ZNF365: variants seen among roughly 807,000 people sequenced by gnomAD.
The protein encoded by ZNF365 is zinc finger protein 365.
In ZNF365, 22 loss-of-function variants were observed where a neutral mutation model predicts 35.0. The ratio of observed to expected loss-of-function variants is 0.63; its 90% CI spans 0.45 to 0.90. ZNF365 has a LOEUF of 0.90. Ranked by LOEUF, ZNF365 falls within the 40% of genes least tolerant of loss-of-function variation. ZNF365 has a pLI of 0.00. For synonymous variants in ZNF365, 188 were observed against 196.2 expected, an observed-to-expected ratio of 0.96 and a Z score of 0.35; for missense variants, 448 against 500.3, an observed-to-expected ratio of 0.90 and a Z score of 1.00.
chr10:62,466,169 G>A (rs903424102), intron 4 of ZNF365, among the ~76,000 whole-genome samples: 14 of 152,180 alleles, frequency 9.2e-5, no homozygotes, highest in Admixed American at 3.9e-4. Context: ...GGGGCTTCCC[G>A]AACCTGAGCT....
intron 4 of ZNF365, among the ~76,000 whole-genome samples, chr10:62,476,074 C>G (rs923286438): frequency 3.3e-5 from 5 of 149,806 alleles, no homozygotes; most frequent in African/African-American, 1.2e-4. Context: ...TTGGGTTTTC[C>G]TGTTCTATGT....
intron 4 of ZNF365, among the ~76,000 whole-genome samples, chr10:62,478,995 A>G (rs1841177990): frequency 6.6e-6 from 1 of 152,222 alleles, no homozygotes; most frequent in Non-Finnish European, 1.5e-5. Context: ...AAGAATTTCT[A>G]TTCTGTTTTG....
chr10:62,425,820 A>C (rs1840242531), intron 3 of ZNF365, among the ~76,000 whole-genome samples: 1 of 152,186 alleles, frequency 6.6e-6, no homozygotes, highest in Admixed American at 6.5e-5. Flanking sequence ...ATTAGAAGAC[A>C]AGGTCTATGA....
chr10:62,405,401 C>T (rs1399504301), downstream of ZNF365, among the ~76,000 whole-genome samples: 1 of 152,122 alleles, frequency 6.6e-6, no homozygotes, highest in Non-Finnish European at 1.5e-5. Flanking sequence ...AAAGGGTTTC[C>T]AGGGCCCAGG....
At chr10:62,377,914 A>T (rs2132407474) in intron 2 of ZNF365, among the ~76,000 whole-genome samples, 1 of 152,238 alleles carries the variant, frequency 6.6e-6, no homozygotes, top group Non-Finnish European at 1.5e-5. Context: ...GCCCTCTGGC[A>T]CTCTTCTATT....
chr10:62,401,772 C>T lies in ZNF365; in HGVS notation c.*1983C>T, dbSNP rs1028121171. The T allele has an allele frequency of 1.0e-6, 1 of 985,380 alleles. No individual in the cohort carries two copies. Among genetic ancestry groups the T allele is most frequent in the African/African-American group, 1.7e-5 (1 of 57,234 alleles). 61.0% of individuals were successfully genotyped at this position (985,380 alleles called of 1,614,324 possible). A position where few individuals can be genotyped will look rare whatever the true frequency, so the allele number is the denominator to read the frequency against. On this transcript the variant is annotated 3_prime_UTR_variant, in exon 5 of 5. Coordinates refer to ENST00000395254, the MANE Select transcript of ZNF365 (RefSeq NM_014951.3). ...CTTGTTTCTGTTTTATTTAAAGTAA[C>T]TGACATTTTGGATTTTCATCTAACA... is the stretch of plus-strand genomic sequence containing the variant.
At chr10:62,479,854 T>C (rs752616731) in intron 4 of ZNF365, 17 of 1,568,516 alleles carry the variant, frequency 1.1e-5, no homozygotes, top group Non-Finnish European at 1.4e-5. Flanking sequence ...CTACTAACTT[T>C]CCTTTTGGCT....
intron 2 of ZNF365, among the ~76,000 whole-genome samples, chr10:62,388,007 G>T (rs573793564): frequency 3.3e-5 from 5 of 152,124 alleles, no homozygotes; most frequent in Non-Finnish European, 5.9e-5. Context: ...TCCCTGGTTT[G>T]CTCTTCCTAA....
rs1319516802 is a variant in ZNF365 at position 62,417,307 on chromosome 10, T to G, written c.924+28731T>G. 8.5e-5 allele frequency among the ~76,000 whole-genome samples: 13 copies of G among 152,114 alleles called. No homozygotes were observed. In the East Asian group the frequency reaches 2.5e-3, roughly 29 times the overall value. ...TAGACTACTTCAGTACTTTGTGCCC[T>G]AGCAGTCATTTTTTAAAATACTGGT... is the stretch of plus-strand genomic sequence containing the variant. On this transcript the variant is annotated intron_variant, in intron 3 of 4. Transcript: ENST00000395255.
intron 3 of ZNF365, among the ~76,000 whole-genome samples, chr10:62,426,564 G>A (rs1439532103): frequency 6.6e-6 from 1 of 152,116 alleles, no homozygotes; most frequent in East Asian, 1.9e-4. Flanking sequence ...TAGGAGGCAT[G>A]CTACATCACT....
chr10:62,456,400 A>G (rs1019108806), intron 3 of ZNF365, among the ~76,000 whole-genome samples: 3 of 152,164 alleles, frequency 2.0e-5, no homozygotes, highest in Admixed American at 2.0e-4. Context: ...CATGCCGTGT[A>G]AGATGAGAAA....
At chr10:62,404,812 C>T (rs913707481), downstream of ZNF365, among the ~76,000 whole-genome samples, 3 of 152,144 alleles carry the variant, frequency 2.0e-5, no homozygotes, top group Admixed American at 6.5e-5. Context: ...TAAATGTTGG[C>T]CACATAAAAC....
chr10:62,479,967 A>G, exon 5 of ZNF365: 1 of 1,604,188 alleles, frequency 6.2e-7, no homozygotes. Context: ...GTGCCAGAGA[A>G]GCTTTCATTC....
intron 4 of ZNF365, among the ~76,000 whole-genome samples, chr10:62,474,127 C>T (rs1841089567): frequency 6.6e-6 from 1 of 152,202 alleles, no homozygotes; most frequent in African/African-American, 2.4e-5. Flanking sequence ...CAGAAGTTTT[C>T]TCATGTTTCA....
At chr10:62,475,195 A>G (rs957732595) in intron 4 of ZNF365, among the ~76,000 whole-genome samples, 2 of 152,220 alleles carry the variant, frequency 1.3e-5, no homozygotes, top group East Asian at 1.9e-4. Flanking sequence ...ATTCCTCACA[A>G]TGGACAAGTG....
In ZNF365 at chr10:62,401,240, CTATA is replaced by C. The variant is rs929175997; in HGVS notation, c.*1455_*1458del. The C allele has an allele frequency of 7.1e-6, 7 of 984,932 alleles. No individual in the cohort carries two copies. The African/African-American group carries it at 1.2e-4, about 17-fold the overall frequency. 61.0% of individuals were successfully genotyped at this position (984,932 alleles called of 1,614,324 possible). ...GTGTTTGTGGTGGGTGGTTTTTAAA[CTATA>C]TATGTTTGTTCATGTAAACTGAATT... On this transcript the variant is annotated 3_prime_UTR_variant, in exon 5 of 5. Transcript: ENST00000395254.
chr10:62,386,853 CAATGAATTTAAT>C (rs142978202), intron 2 of ZNF365, among the ~76,000 whole-genome samples: 2,855 of 152,198 alleles, frequency 0.019, 73 homozygotes, highest in African/African-American at 0.065. Context: ...GTAGAGAAGC[CAATGAATTTAAT>C]TAACTGTCTA....
chr10:62,405,300 A>T (rs1191270631), downstream of ZNF365, among the ~76,000 whole-genome samples: 23 of 152,128 alleles, frequency 1.5e-4, no homozygotes, highest in Admixed American at 1.5e-3. Flanking sequence ...GGTAGTTTTG[A>T]TTATTCTTCA....
At chr10:62,386,160 C>T (rs901842470) in intron 2 of ZNF365, among the ~76,000 whole-genome samples, 2 of 152,162 alleles carry the variant, frequency 1.3e-5, no homozygotes, top group African/African-American at 4.8e-5. Context: ...GGGATGCATT[C>T]ACATGGGCCC....
Sources: gnomAD v4.1 joint callset for allele counts (sites outside exome capture counted in the v4.1 genomes callset) on GRCh38, gnomAD v4.1.1 for gene constraint, MANE v1.5 for transcripts, NCBI Gene and HGNC (gene_info 2026-07-23, HGNC 2026-07-21) for gene names.